The following C14orf132 variants were observed in gnomAD, a reference collection of about 807,000 sequenced individuals.
C14orf132 encodes the protein chromosome 14 open reading frame 132.
C14orf132 carries 6 observed loss-of-function variants against 5.8 expected under a neutral mutation model. The ratio of observed to expected loss-of-function variants is 1.03; its 90% CI spans 0.57 to 2.04. C14orf132 has a LOEUF of 2.04. C14orf132 is among the 30% of genes most tolerant of loss of function. The pLI, the probability that C14orf132 is intolerant of heterozygous loss-of-function variation, is 0.00. For missense variants in C14orf132, 125 were observed against 115.8 expected (o/e 1.08, Z -0.37); for synonymous variants, 51 against 49.8 (o/e 1.02, Z -0.10).
At chr14:96,050,365 C>G (rs544907690) in intron 1 of C14orf132, among the ~76,000 whole-genome samples, 1 of 152,176 alleles carries the variant, frequency 6.6e-6, no homozygotes, top group East Asian at 1.9e-4. Flanking sequence ...CAATGCTGTT[C>G]TGAGTATTCT....
At chr14:96,045,315 G>A (rs761244926) in intron 1 of C14orf132, among the ~76,000 whole-genome samples, 7 of 152,324 alleles carry the variant, frequency 4.6e-5, no homozygotes, top group South Asian at 2.1e-4. Flanking sequence ...GATGCATGGC[G>A]GTTATGCAGA....
At chr14:96,044,203 T>G (rs1263110859) in intron 1 of C14orf132, among the ~76,000 whole-genome samples, 1 of 152,242 alleles carries the variant, frequency 6.6e-6, no homozygotes, top group Non-Finnish European at 1.5e-5. Context: ...AGACACGGTC[T>G]TGTTCTGTTG....
chr14:96,084,375 G>C (rs1010736185), intron 1 of C14orf132, among the ~76,000 whole-genome samples: 3 of 152,156 alleles, frequency 2.0e-5, no homozygotes, highest in African/African-American at 4.8e-5. Flanking sequence ...TGCTTTCCAA[G>C]AGGCCACCAG....
chr14:96,085,104 A>T (rs1056698804), intron 1 of C14orf132, among the ~76,000 whole-genome samples: 1 of 152,200 alleles, frequency 6.6e-6, no homozygotes, highest in African/African-American at 2.4e-5. Flanking sequence ...GATTAGTGCT[A>T]TGGCCTTGAC....
chr14:96,056,835 C>T (rs967012908), intron 1 of C14orf132, among the ~76,000 whole-genome samples: 7 of 152,182 alleles, frequency 4.6e-5, no homozygotes, highest in Non-Finnish European at 1.0e-4. Flanking sequence ...TGCACCTCAC[C>T]TGTAGATGGT....
chr14:96,084,284 G>A (rs1158601909), intron 1 of C14orf132, among the ~76,000 whole-genome samples: 10 of 152,094 alleles, frequency 6.6e-5, no homozygotes, highest in South Asian at 2.1e-4. Flanking sequence ...CAGGGGTCGC[G>A]GGGGGATGTG....
intron 1 of C14orf132, among the ~76,000 whole-genome samples, chr14:96,085,754 T>C (rs1236329136): frequency 6.6e-6 from 1 of 152,204 alleles, no homozygotes; most frequent in African/African-American, 2.4e-5. Flanking sequence ...TACATGCTAA[T>C]GGATGTACAA....
chr14:96,052,389 C>G (rs1186883786), intron 1 of C14orf132, among the ~76,000 whole-genome samples: 2 of 152,214 alleles, frequency 1.3e-5, no homozygotes, highest in African/African-American at 2.4e-5. Context: ...TTGCTCCCCC[C>G]GGGAGAGGCT....
At chr14:96,041,462 A>C (rs1886692298) in intron 1 of C14orf132, among the ~76,000 whole-genome samples, 1 of 152,230 alleles carries the variant, frequency 6.6e-6, no homozygotes, top group Non-Finnish European at 1.5e-5. Flanking sequence ...ATACGATGTA[A>C]GGTACAGGAC....
At chr14:96,054,794 G>GT (rs571945343) in intron 1 of C14orf132, among the ~76,000 whole-genome samples, 2 of 152,286 alleles carry the variant, frequency 1.3e-5, no homozygotes, top group South Asian at 2.1e-4. Context: ...TTATAGAACA[G>GT]TTTTTTCAGA....
chr14:96,085,394 G>A (rs1489613409), intron 1 of C14orf132, among the ~76,000 whole-genome samples: 1 of 152,242 alleles, frequency 6.6e-6, no homozygotes, highest in Non-Finnish European at 1.5e-5. Flanking sequence ...CCTCTGGAGA[G>A]GGCCTGGGAA....
Position 96,090,879 on chromosome 14 carries a change from G to A in C14orf132, c.*4144G>A, listed in dbSNP as rs1440400604. 4.4e-6 allele frequency: 2 copies of A among 456,106 alleles called. No homozygotes were observed. Among genetic ancestry groups the A allele is most frequent in the Non-Finnish European group, 8.8e-6 (2 of 226,810 alleles). The allele number at this position is 456,106 out of a possible 1,614,324, so 28.3% of individuals were successfully genotyped here. Reference sequence around the variant, plus strand: ...TTGTCAGCACTGCTGCCTGATCCCTGCAAGACAAATGGCACTTTCCTTCTT... The same window carrying A: ...TTGTCAGCACTGCTGCCTGATCCCTACAAGACAAATGGCACTTTCCTTCTT... On this transcript the variant is annotated 3_prime_UTR_variant, in exon 2 of 2. Transcript: ENST00000555004.
At chr14:96,071,728 C>G (rs1223172874) in intron 1 of C14orf132, among the ~76,000 whole-genome samples, 1 of 152,216 alleles carries the variant, frequency 6.6e-6, no homozygotes, top group African/African-American at 2.4e-5. Context: ...GGGCCCCCTT[C>G]TGTGGTGAGT....
chr14:96,081,637 C>T lies in C14orf132; in HGVS notation c.28-4874C>T, dbSNP rs55770764. Reference sequence around the variant, plus strand: ...TTTTTTTGAGACAGGGTCTCGCTGGCACGCAGACTGGAAAGCAGTGGTGCC... The same window carrying T: ...TTTTTTTGAGACAGGGTCTCGCTGGTACGCAGACTGGAAAGCAGTGGTGCC... On this transcript the variant is annotated intron_variant, in intron 1 of 1. Coordinates refer to ENST00000555004, the MANE Select transcript of C14orf132 (RefSeq NM_001252507.3). Among the ~76,000 whole-genome samples the T allele has an allele frequency of 5.7e-3, 873 of 152,310 alleles. 4 individuals carry two copies. Among genetic ancestry groups the T allele is most frequent in the African/African-American group, 0.02 (840 of 41,574 alleles).
chr14:96,086,412 C>T, intron 1 of C14orf132, 99 bp from the exon 2 acceptor site: 1 of 1,051,542 alleles, frequency 9.5e-7, no homozygotes, highest in Non-Finnish European at 1.4e-6. Context: ...GAGATCGTAG[C>T]TTCATGTGGG....
chr14:96,045,707 C>T (rs1053942826), intron 1 of C14orf132, among the ~76,000 whole-genome samples: 4 of 152,224 alleles, frequency 2.6e-5, no homozygotes, highest in African/African-American at 9.6e-5. Context: ...ATTAAATTAA[C>T]AATTAAATGT....
chr14:96,063,637 AG>A (rs1887429564), intron 1 of C14orf132, among the ~76,000 whole-genome samples: 1 of 152,154 alleles, frequency 6.6e-6, no homozygotes, highest in Non-Finnish European at 1.5e-5. Context: ...GAACAACAAA[AG>A]TTACGTCCCT....
chr14:96,082,797 T>C (rs1309421830), intron 1 of C14orf132, among the ~76,000 whole-genome samples: 1 of 152,230 alleles, frequency 6.6e-6, no homozygotes, highest in African/African-American at 2.4e-5. Flanking sequence ...TTGGTAATCA[T>C]TGCGTAACTG....
chr14:96,049,653 T>TAG lies in C14orf132; in HGVS notation c.27+10145_27+10146dup, dbSNP rs1555384130. Among the ~76,000 whole-genome samples the TAG allele has an allele frequency of 6.0e-3, 493 of 82,276 alleles. 66 individuals carry two copies. The highest frequency in any genetic ancestry group is 0.021 in the African/African-American group (465 of 21,758). The allele number at this position is 82,276 out of a possible 152,430, so 54.0% of individuals were successfully genotyped here. A position where few individuals can be genotyped will look rare whatever the true frequency, so the allele number is the denominator to read the frequency against. On this transcript the variant is annotated intron_variant, in intron 1 of 1. Transcript: ENST00000555004. The stretch of plus-strand genomic sequence containing the variant: ...ATACATATATACGTATATATATATA[T>TAG]AGAGAGAGAGAGAGAGAGAGTTCTG...
Sources: gnomAD v4.1 joint callset for allele counts (sites outside exome capture counted in the v4.1 genomes callset) on GRCh38, gnomAD v4.1.1 for gene constraint, MANE v1.5 for transcripts, NCBI Gene and HGNC (gene_info 2026-07-23, HGNC 2026-07-21) for gene names.